GLYATL2: variants seen among roughly 807,000 people sequenced by gnomAD.
GLYATL2 encodes the protein glycine-N-acyltransferase like 2.
GLYATL2 carries 25 observed loss-of-function variants against 21.4 expected under a neutral mutation model. That is an observed-to-expected ratio of 1.17 (90% confidence interval 0.85 to 1.63). The LOEUF (loss-of-function observed/expected upper bound fraction) is 1.63, where lower values mean the gene tolerates loss of function less well. Among genes scored for constraint, GLYATL2 ranks in the 40% most tolerant of loss-of-function variants. The probability of loss-of-function intolerance (pLI) is 0.00; values close to 1 mark genes in which losing one functional copy is unlikely to be tolerated. For synonymous variants in GLYATL2, 114 were observed against 118.2 expected (o/e 0.96, Z 0.23); for missense variants, 361 against 343.3 (o/e 1.05, Z -0.41).
Position 58,837,030 on chromosome 11 carries a change from A to G in GLYATL2, c.461T>C (p.Val154Ala), listed in dbSNP as rs1414547021. Residue 154 changes from valine to alanine, a missense_variant, in exon 5 of 6, where the codon GTG becomes GCG. Val to Ala is a moderately conservative substitution (Grantham distance 64). Coordinates refer to ENST00000287275, the MANE Select transcript of GLYATL2 (RefSeq NM_145016.4). Reference sequence around the variant, plus strand: ...AAAATCTCACTTGTTATCATCATCCACTTCAAATAACTCCATCTTGTCATT... The same window carrying G: ...AAAATCTCACTTGTTATCATCATCCGCTTCAAATAACTCCATCTTGTCATT... ...SSNDKMELFE[V>A]DDDNKEGNFS... is the part of the protein sequence containing the mutation. 2.5e-6 allele frequency: 4 copies of G among 1,612,224 alleles called. No individual in the cohort carries two copies. Among genetic ancestry groups the G allele is most frequent in the Non-Finnish European group, 3.4e-6 (4 of 1,179,428 alleles).
chr11:58,882,560 T>G (rs1460590344), intron 1 of GLYATL2, among the ~76,000 whole-genome samples: 1 of 152,220 alleles, frequency 6.6e-6, no homozygotes, highest in Non-Finnish European at 1.5e-5. Flanking sequence ...TAGTTTCTTT[T>G]GCCATGCAGA....
chr11:58,858,794 C>A (rs1344071147), intron 1 of GLYATL2, among the ~76,000 whole-genome samples: 1 of 152,208 alleles, frequency 6.6e-6, no homozygotes, highest in Non-Finnish European at 1.5e-5. Flanking sequence ...ATACCTACAG[C>A]TTCTGGTGCA....
intron 1 of GLYATL2, among the ~76,000 whole-genome samples, chr11:58,870,936 T>C (rs1292352781): frequency 6.6e-6 from 1 of 152,162 alleles, no homozygotes; most frequent in African/African-American, 2.4e-5. Flanking sequence ...CATGAAGAAT[T>C]GTCTCCCAAC....
chr11:58,854,007 T>G (rs1853785968), intron 1 of GLYATL2, among the ~76,000 whole-genome samples: 2 of 152,186 alleles, frequency 1.3e-5, no homozygotes, highest in East Asian at 3.8e-4. Context: ...TCTCTGCTTC[T>G]ATGAATTTAA....
chr11:58,908,513 A>G (rs922629666), upstream of GLYATL2: 39 of 213,130 alleles, frequency 1.8e-4, no homozygotes, highest in Non-Finnish European at 3.4e-4. Flanking sequence ...AGTGCTACAG[A>G]GGATGACCAG....
chr11:58,845,734 T>G (rs1853630829), upstream of GLYATL2, among the ~76,000 whole-genome samples: 4 of 152,114 alleles, frequency 2.6e-5, no homozygotes, highest in South Asian at 8.3e-4. Flanking sequence ...ATAAATGTCT[T>G]CCCCCAGGTC....
At chr11:58,900,190 G>A (rs779574828) in intron 1 of GLYATL2, among the ~76,000 whole-genome samples, 2 of 152,216 alleles carry the variant, frequency 1.3e-5, no homozygotes, top group Non-Finnish European at 2.9e-5. Context: ...GTGGACAGCA[G>A]GATGGATCAG....
At chr11:58,881,084 T>A (rs1854324885) in intron 1 of GLYATL2, among the ~76,000 whole-genome samples, 1 of 152,228 alleles carries the variant, frequency 6.6e-6, no homozygotes, top group Non-Finnish European at 1.5e-5. Context: ...AATTGTTAAA[T>A]CTATATATGA....
upstream of GLYATL2, among the ~76,000 whole-genome samples, chr11:58,906,170 A>G (rs115198803): frequency 0.02 from 2,983 of 152,292 alleles, 52 homozygotes; most frequent in South Asian, 0.05. Context: ...CGGCAGGGGC[A>G]GTAGACAGAA....
chr11:58,907,261 C>T (rs1000168154), upstream of GLYATL2: 4 of 456,252 alleles, frequency 8.8e-6, no homozygotes, highest in Non-Finnish European at 1.8e-5. Context: ...AGGTTTGTGG[C>T]CTGTGATCTC....
chr11:58,880,708 C>G (rs1854318527), intron 1 of GLYATL2, among the ~76,000 whole-genome samples: 1 of 152,094 alleles, frequency 6.6e-6, no homozygotes, highest in African/African-American at 2.4e-5. Context: ...CAGAGTCAAA[C>G]AGGGGATAGA....
At chr11:58,837,223 G>C (rs376645959) in intron 4 of GLYATL2, 46 bp from the exon 5 acceptor site, 10 of 1,612,498 alleles carry the variant, frequency 6.2e-6, no homozygotes, top group Middle Eastern at 1.6e-4. Flanking sequence ...CTTCCATATC[G>C]GCTAGGAATA....
upstream of GLYATL2, among the ~76,000 whole-genome samples, chr11:58,848,380 G>A (rs1419124232): frequency 2.0e-5 from 3 of 152,110 alleles, no homozygotes; most frequent in Non-Finnish European, 4.4e-5. Context: ...CAATCCTGGA[G>A]AAATGGAGAT....
At chr11:58,856,708 C>A (rs2134590953) in intron 1 of GLYATL2, among the ~76,000 whole-genome samples, 1 of 152,240 alleles carries the variant, frequency 6.6e-6, no homozygotes, top group South Asian at 2.1e-4. Context: ...ACACACACAA[C>A]AGTTATCAAT....
chr11:58,904,551 TC>T (rs1854812266), upstream of GLYATL2, among the ~76,000 whole-genome samples: 2 of 152,224 alleles, frequency 1.3e-5, no homozygotes, highest in African/African-American at 4.8e-5. Context: ...AGATCAAGTC[TC>T]CTTGTGCAAT....
At chr11:58,837,227 AG>A in intron 4 of GLYATL2, 43 bp downstream of exon 4, 1 of 1,612,870 alleles carries the variant, frequency 6.2e-7, no homozygotes, top group Non-Finnish European at 8.5e-7. Context: ...CATATCGGCT[AG>A]GAATAAACCA....
exon 1 of GLYATL2, chr11:58,904,199 C>T (rs1854800357): frequency 6.6e-6 from 1 of 152,228 alleles, no homozygotes; most frequent in African/African-American, 2.4e-5. Context: ...CTGGGATATA[C>T]TCTTAGCCAT....
At chr11:58,892,703 T>C in intron 1 of GLYATL2, 1 of 355,000 alleles carries the variant, frequency 2.8e-6, no homozygotes, top group Non-Finnish European at 5.5e-6. Context: ...AGCAGCTGCA[T>C]TTTCAAAGTC....
rs571065292 is a variant in GLYATL2 at position 58,899,552 on chromosome 11, C to T, written n.60+4604G>A. Among the ~76,000 whole-genome samples the T allele has an allele frequency of 1.2e-4, 18 of 151,884 alleles. No homozygotes were observed. In the South Asian group the frequency reaches 1.5e-3, roughly 12 times the overall value. On this transcript the variant is annotated intron_variant and non_coding_transcript_variant, in intron 1 of 4. Transcript: ENST00000533636. ...AAAAGAGGCCTCAGATACGAGCAGA[C>T]AAAAAGGAGAGGAAACAGGAAGGGG...
Sources: allele counts gnomAD v4.1 joint callset (sites outside exome capture counted in the v4.1 genomes callset), GRCh38; gene constraint gnomAD v4.1.1; transcripts MANE v1.5; gene names NCBI Gene and HGNC (gene_info 2026-07-23, HGNC 2026-07-21).